EML4: variants seen among roughly 807,000 people sequenced by gnomAD.
The protein encoded by EML4 is EMAP like 4, also known as echinoderm microtubule-associated protein-like 4.
A neutral mutation model predicts 129.0 loss-of-function variants in EML4; 72 were observed. The observed-to-expected ratio is 0.56, with a 90% CI of 0.46 to 0.68. The LOEUF (loss-of-function observed/expected upper bound fraction) is 0.68. Among genes scored for constraint, EML4 ranks in the 30% least tolerant of loss-of-function variants. The probability of loss-of-function intolerance (pLI) is 0.00; values close to 1 mark genes in which losing one functional copy is unlikely to be tolerated. For synonymous variants in EML4, 532 were observed against 405.0 expected (o/e 1.31, Z -3.77); for missense variants, 1,363 against 1,190.6 (o/e 1.14, Z -2.13).
At chr2:42,189,014 T>TAA (rs1344146012) in intron 1 of EML4, among the ~76,000 whole-genome samples, 1 of 152,156 alleles carries the variant, frequency 6.6e-6, no homozygotes, top group Non-Finnish European at 1.5e-5. Context: ...TTATCCCACT[T>TAA]ACAGCTTTTC....
At chr2:42,283,788 A>G (rs933002193) in intron 8 of EML4, among the ~76,000 whole-genome samples, 1 of 152,228 alleles carries the variant, frequency 6.6e-6, no homozygotes, top group Non-Finnish European at 1.5e-5. Context: ...AAACAGCCTA[A>G]GTATTTTTCA....
At chr2:42,261,356 C>T in intron 4 of EML4, 62 bp downstream of exon 4, 1 of 1,416,410 alleles carries the variant, frequency 7.1e-7, no homozygotes, top group East Asian at 2.3e-5. Context: ...AATTCTGTGA[C>T]TTGGGAAAAA....
rs574662427 is a variant in EML4 at position 42,308,422 on chromosome 2, A to C, written c.1967+3871A>C. ...CTACTCGGGAGGCTGAGGCAGGAGG[A>C]TTGCTTTATCCCAGGAGGCAGAGGT... On this transcript the variant is annotated intron_variant, in intron 17 of 22. Transcript: ENST00000318522. Among the ~76,000 whole-genome samples, 7 of 152,180 alleles carry C rather than the reference A, an allele frequency of 4.6e-5. No homozygotes were observed. In the South Asian group the frequency reaches 1.5e-3, roughly 32 times the overall value.
chr2:42,316,483 T>C (rs1334459968), intron 18 of EML4, among the ~76,000 whole-genome samples: 1 of 152,210 alleles, frequency 6.6e-6, no homozygotes, highest in Non-Finnish European at 1.5e-5. Context: ...ATCTAGTGCA[T>C]TGTTTCGGTT....
At chr2:42,280,623 T>A (rs1263541175) in intron 6 of EML4, among the ~76,000 whole-genome samples, 1 of 152,228 alleles carries the variant, frequency 6.6e-6, no homozygotes, top group Non-Finnish European at 1.5e-5. Flanking sequence ...CCATTTTGTA[T>A]CAGGAAATTG....
chr2:42,244,104 T>TTTTG (rs1553374600), intron 1 of EML4, among the ~76,000 whole-genome samples: 80 of 80,674 alleles, frequency 9.9e-4, no homozygotes, highest in African/African-American at 1.7e-3. Context: ...GTTTTTTGTT[T>TTTTG]TTTTTTTTTT....
chr2:42,330,280 G>C lies in EML4; in HGVS notation c.*73G>C, dbSNP rs763703202. ...GTGATAAAGTTCAGGTAACAGGATG[G>C]GCAGTGATGGAGAATCACTGTTGAT... On this transcript the variant is annotated 3_prime_UTR_variant, in exon 23 of 23. Coordinates refer to ENST00000318522, the MANE Select transcript of EML4 (RefSeq NM_019063.5). The C allele has an allele frequency of 2.3e-6, 3 of 1,329,058 alleles. No homozygotes were observed. Among genetic ancestry groups the C allele is most frequent in the East Asian group, 2.3e-5 (1 of 42,876 alleles). 82.3% of individuals were successfully genotyped at this position (1,329,058 alleles called of 1,614,324 possible). A position where few individuals can be genotyped will look rare whatever the true frequency, so the allele number is the denominator to read the frequency against.
intron 6 of EML4, among the ~76,000 whole-genome samples, chr2:42,268,971 G>A (rs1211219461): frequency 1.3e-5 from 2 of 152,146 alleles, no homozygotes; most frequent in African/African-American, 2.4e-5. Flanking sequence ...GAGGAAAAAG[G>A]AAGTCATCAA....
At chr2:42,187,416 C>T (rs919608605) in intron 1 of EML4, among the ~76,000 whole-genome samples, 3 of 152,072 alleles carry the variant, frequency 2.0e-5, no homozygotes, top group East Asian at 1.9e-4. Context: ...GTGCTTTTTA[C>T]GTAGCATATT....
chr2:42,216,868 C>G (rs544651154), intron 1 of EML4, among the ~76,000 whole-genome samples: 1 of 152,102 alleles, frequency 6.6e-6, no homozygotes, highest in Non-Finnish European at 1.5e-5. Context: ...TTATCCTACC[C>G]CTCTGACTCA....
intron 3 of EML4, among the ~76,000 whole-genome samples, chr2:42,258,200 C>G (rs1448425043): frequency 2.6e-5 from 4 of 152,052 alleles, no homozygotes; most frequent in Non-Finnish European, 5.9e-5. Context: ...GAAAATGGCT[C>G]TTTTAGGTTG....
rs563278898 is a variant in EML4, at chr2:42,241,828, A to G, written c.26-3677A>G. Among the ~76,000 whole-genome samples the G allele has an allele frequency of 1.2e-4, 18 of 145,714 alleles. 1 individual carries two copies. The South Asian group carries it at 3.0e-3, about 24-fold the overall frequency. ...TTGAGCAAGTTATTTAGTTTGAGCTATTTCCTCCAGTGTAAAATATAGATT... is the reference window on the plus strand; with the variant it reads ...TTGAGCAAGTTATTTAGTTTGAGCTGTTTCCTCCAGTGTAAAATATAGATT... On this transcript the variant is annotated intron_variant, in intron 1 of 22. Coordinates refer to ENST00000318522, the MANE Select transcript of EML4 (RefSeq NM_019063.5).
chr2:42,256,690 A>G (rs1676175835), intron 3 of EML4, 60 bp downstream of exon 3: 1 of 1,584,126 alleles, frequency 6.3e-7, no homozygotes, highest in Non-Finnish European at 8.6e-7. Flanking sequence ...TGTGGTAGAG[A>G]TCTCCCTTTA....
Position 42,295,208 on chromosome 2 carries a change from C to G in EML4, c.1302C>G (p.Phe434Leu), listed in dbSNP as rs1325173243. The G allele has an allele frequency of 2.5e-6, 4 of 1,613,464 alleles. No individual in the cohort carries two copies. Among genetic ancestry groups the G allele is most frequent in the African/African-American group, 1.3e-5 (1 of 74,998 alleles). ...TTACATGCGGTAAATCTCATATTTT[C>G]TTCTGGACCTGGAGCGGCAATTCAC... is the stretch of plus-strand genomic sequence containing the variant. The part of the protein sequence containing the change: ...TIITCGKSHI[F>L]FWTWSGNSLT... Residue 434 changes from phenylalanine (F) to leucine (L), a missense_variant, in exon 12 of 23, where the codon TTC (phenylalanine) becomes TTG (leucine). Coordinates refer to ENST00000318522, the MANE Select transcript of EML4 (RefSeq NM_019063.5).
At chr2:42,275,192 C>G (rs7605782) in intron 6 of EML4, among the ~76,000 whole-genome samples, 32 of 152,108 alleles carry the variant, frequency 2.1e-4, no homozygotes, top group Non-Finnish European at 3.1e-4. Flanking sequence ...TCAATGTAGC[C>G]AAAATACTGT....
At chr2:42,184,448 A>G (rs1306444697) in intron 1 of EML4, among the ~76,000 whole-genome samples, 1 of 139,280 alleles carries the variant, frequency 7.2e-6, no homozygotes, top group Non-Finnish European at 1.5e-5. Context: ...CCCTGGTTTA[A>G]GAACTTTCAT....
At chr2:42,227,153 C>T in intron 1 of EML4, among the ~76,000 whole-genome samples, 1 of 152,058 alleles carries the variant, frequency 6.6e-6, no homozygotes, top group African/African-American at 2.4e-5. Flanking sequence ...CTCTGTTGCC[C>T]AGCTGGAGTG....
At chr2:42,289,918 A>C (rs1667531050) in intron 11 of EML4, 1 of 146,276 alleles carries the variant, frequency 6.8e-6, no homozygotes, top group Non-Finnish European at 1.5e-5. Flanking sequence ...AAATACAAAA[A>C]AAAAAAAAAA....
intron 6 of EML4, chr2:42,265,071 G>A (rs2104401193): frequency 7.5e-6 from 7 of 932,098 alleles, no homozygotes; most frequent in Admixed American, 2.7e-5. Context: ...ACAGTGATTT[G>A]AGCTAGATGA....
Sources: allele counts gnomAD v4.1 joint callset (sites outside exome capture counted in the v4.1 genomes callset), GRCh38; gene constraint gnomAD v4.1.1; transcripts MANE v1.5; gene names NCBI Gene and HGNC (gene_info 2026-07-23, HGNC 2026-07-21).